The following NEDD4L variants were observed in gnomAD, a reference collection of about 807,000 sequenced individuals.
NEDD4L encodes NEDD4 like E3 ubiquitin protein ligase.
Under a neutral mutation model 148.9 loss-of-function variants are expected in NEDD4L, and 54 were observed. That is an observed-to-expected ratio of 0.36 (90% CI 0.29 to 0.45). The LOEUF is 0.45. Ranked by LOEUF, NEDD4L falls within the 20% of genes least tolerant of loss-of-function variation. NEDD4L has a pLI of 1.00. For synonymous variants in NEDD4L, 433 were observed against 440.7 expected, an observed-to-expected ratio of 0.98 and a Z score of 0.22; for missense variants, 856 against 1,233.8, an observed-to-expected ratio of 0.69 and a Z score of 4.59.
At chr18:58,255,432 T>G in intron 5 of NEDD4L, 1 of 1,090,176 alleles carries the variant, frequency 9.2e-7, no homozygotes, top group Non-Finnish European at 1.2e-6. Flanking sequence ...ACAGTGTGGA[T>G]GAGAGCTTTT....
At chr18:58,303,628 G>A (rs1245746551) in intron 5 of NEDD4L, among the ~76,000 whole-genome samples, 1 of 152,168 alleles carries the variant, frequency 6.6e-6, no homozygotes, top group African/African-American at 2.4e-5. Context: ...GAAATACTCT[G>A]GTACATGGAG....
intron 19 of NEDD4L, among the ~76,000 whole-genome samples, chr18:58,362,553 A>T (rs2045618312): frequency 6.6e-6 from 1 of 152,146 alleles, no homozygotes; most frequent in Admixed American, 6.5e-5. Context: ...TCACTTTTTT[A>T]GTTCCTATGG....
chr18:58,159,570 C>A (rs1311509053), intron 1 of NEDD4L, among the ~76,000 whole-genome samples: 1 of 152,086 alleles, frequency 6.6e-6, no homozygotes, highest in South Asian at 2.1e-4. Context: ...CTTAAAAATG[C>A]ATGAAATAGG....
At chr18:58,232,207 T>C (rs984990737) in intron 2 of NEDD4L, among the ~76,000 whole-genome samples, 2 of 152,202 alleles carry the variant, frequency 1.3e-5, no homozygotes, top group South Asian at 4.1e-4. Context: ...CTACTAATTA[T>C]TACAGAGCTT....
chr18:58,133,061 C>T (rs1007275882), intron 1 of NEDD4L, among the ~76,000 whole-genome samples: 4 of 152,134 alleles, frequency 2.6e-5, no homozygotes, highest in African/African-American at 9.7e-5. Context: ...TTAAATGACT[C>T]GTCTTCTCTT....
chr18:58,346,398 A>G (rs899232251), intron 16 of NEDD4L, among the ~76,000 whole-genome samples: 3 of 152,222 alleles, frequency 2.0e-5, no homozygotes, highest in South Asian at 2.1e-4. Flanking sequence ...CTGGTCCCCA[A>G]GCATTATGGG....
intron 2 of NEDD4L, among the ~76,000 whole-genome samples, chr18:58,244,545 A>G (rs901810762): frequency 2.0e-5 from 3 of 152,246 alleles, no homozygotes; most frequent in African/African-American, 4.8e-5. Context: ...GATGTGTACA[A>G]GGAATTCTGG....
chr18:58,347,055 G>A (rs1011973394), intron 16 of NEDD4L, among the ~76,000 whole-genome samples: 5 of 152,036 alleles, frequency 3.3e-5, no homozygotes, highest in South Asian at 2.1e-4. Flanking sequence ...AAGCCTCAAG[G>A]CCTCTGGCCC....
intron 20 of NEDD4L, 126 bp from the exon 21 acceptor site, chr18:58,365,873 G>A: frequency 4.7e-6 from 3 of 643,724 alleles, no homozygotes; most frequent in Non-Finnish European, 7.9e-6. Context: ...ATCTCAGTTG[G>A]AACCATTTGT....
chr18:58,302,047 G>C (rs2056538822), intron 5 of NEDD4L, among the ~76,000 whole-genome samples: 1 of 152,198 alleles, frequency 6.6e-6, no homozygotes, highest in Admixed American at 6.5e-5. Context: ...CTGGGTTAGT[G>C]CTGCTTGGTA....
intron 1 of NEDD4L, among the ~76,000 whole-genome samples, chr18:58,061,494 TCTTTC>T (rs2082332373): frequency 6.8e-6 from 1 of 148,096 alleles, no homozygotes; most frequent in Non-Finnish European, 1.5e-5. Context: ...TTTTTTTTTT[TCTTTC>T]TGTCATGGTG....
intron 1 of NEDD4L, among the ~76,000 whole-genome samples, chr18:58,144,535 A>T (rs189801279): frequency 2.0e-4 from 30 of 152,142 alleles, no homozygotes; most frequent in Admixed American, 8.5e-4. Context: ...CATCCACACT[A>T]TGTCGTAGCC....
chr18:58,175,750 G>GT (rs1455517373), intron 2 of NEDD4L, among the ~76,000 whole-genome samples: 2 of 152,218 alleles, frequency 1.3e-5, no homozygotes, highest in African/African-American at 2.4e-5. Flanking sequence ...TTAAAGGATA[G>GT]TAACTCCCTC....
At chr18:58,106,166 C>T (rs1262868983) in intron 1 of NEDD4L, among the ~76,000 whole-genome samples, 1 of 152,168 alleles carries the variant, frequency 6.6e-6, no homozygotes, top group Non-Finnish European at 1.5e-5. Context: ...GTAGGGACAT[C>T]CGTGCTGCCC....
intron 1 of NEDD4L, among the ~76,000 whole-genome samples, chr18:58,159,305 A>C (rs2035904494): frequency 6.6e-6 from 1 of 152,144 alleles, no homozygotes; most frequent in African/African-American, 2.4e-5. Context: ...GCTCTGTATG[A>C]TACTATAATG....
At chr18:58,346,809 A>G (rs2043130065) in intron 16 of NEDD4L, among the ~76,000 whole-genome samples, 1 of 152,146 alleles carries the variant, frequency 6.6e-6, no homozygotes, top group South Asian at 2.1e-4. Flanking sequence ...ATTTATTTTC[A>G]TTGCATCAGA....
chr18:58,295,978 G>T (rs755640666), intron 5 of NEDD4L, among the ~76,000 whole-genome samples: 1 of 152,156 alleles, frequency 6.6e-6, no homozygotes, highest in Non-Finnish European at 1.5e-5. Context: ...TGTTTTTCCA[G>T]CAAGAAAGCT....
chr18:58,281,076 C>T (rs1343161541), intron 5 of NEDD4L, among the ~76,000 whole-genome samples: 1 of 152,142 alleles, frequency 6.6e-6, no homozygotes, highest in African/African-American at 2.4e-5. Flanking sequence ...CTCCTGGGCT[C>T]AAGCGATCCT....
intron 2 of NEDD4L, among the ~76,000 whole-genome samples, chr18:58,184,851 G>A (rs1269123188): frequency 6.6e-6 from 1 of 151,820 alleles, no homozygotes; most frequent in Admixed American, 6.6e-5. Flanking sequence ...TGGCGTGAAC[G>A]CAGGAGGTGG....
Sources: allele counts gnomAD v4.1 joint callset (sites outside exome capture counted in the v4.1 genomes callset), GRCh38; gene constraint gnomAD v4.1.1; transcripts MANE v1.5; gene names NCBI Gene and HGNC (gene_info 2026-07-23, HGNC 2026-07-21).